FRAS1: variants seen among roughly 807,000 people sequenced by gnomAD.
FRAS1 encodes Fraser extracellular matrix complex subunit 1, also known as extracellular matrix organizing protein FRAS1.
FRAS1 carries 290 observed loss-of-function variants against 435.2 expected under a neutral mutation model. That is an observed-to-expected ratio of 0.67 (90% CI 0.61 to 0.73). The LOEUF (loss-of-function observed/expected upper bound fraction) is 0.73, where lower values mean the gene tolerates loss of function less well. Among genes scored for constraint, FRAS1 ranks in the 30% least tolerant of loss-of-function variants. The pLI is 0.00. For missense variants in FRAS1, 4,860 were observed against 5,001.5 expected (o/e 0.97, Z 0.85); for synonymous variants, 1,800 against 1,851.0 (o/e 0.97, Z 0.71).
At chr4:78,463,075 T>A (rs978581603) in intron 47 of FRAS1, among the ~76,000 whole-genome samples, 4 of 152,150 alleles carry the variant, frequency 2.6e-5, no homozygotes, top group Non-Finnish European at 2.9e-5. Context: ...AAACCCAGAA[T>A]CAGAAAGAGA....
At chr4:78,080,950 T>C (rs1227572104) in intron 2 of FRAS1, among the ~76,000 whole-genome samples, 4 of 152,212 alleles carry the variant, frequency 2.6e-5, no homozygotes, top group African/African-American at 7.2e-5. Context: ...TCCTCTTTCC[T>C]GTGCTGGAGA....
At chr4:78,120,305 C>T (rs80313713) in intron 2 of FRAS1, among the ~76,000 whole-genome samples, 2,896 of 152,314 alleles carry the variant, frequency 0.019, 92 homozygotes, top group African/African-American at 0.065. Context: ...GGGCAAGAAT[C>T]ATCCTCACCT....
At chr4:78,458,179 A>C (rs190886242) in intron 47 of FRAS1, among the ~76,000 whole-genome samples, 3 of 152,206 alleles carry the variant, frequency 2.0e-5, no homozygotes. Context: ...AAACCTCTTC[A>C]GTTGTGCATG....
chr4:78,086,334 A>C (rs921391672), intron 2 of FRAS1, among the ~76,000 whole-genome samples: 19 of 152,248 alleles, frequency 1.2e-4, no homozygotes, highest in African/African-American at 4.6e-4. Context: ...GAAAGATCCA[A>C]AATTGACACT....
chr4:78,151,486 C>T (rs534072051), intron 2 of FRAS1, among the ~76,000 whole-genome samples: 11 of 152,152 alleles, frequency 7.2e-5, no homozygotes, highest in Non-Finnish European at 1.5e-4. Context: ...ACTTGCCCCA[C>T]TATCCACAAA....
At chr4:78,208,000 C>T (rs1723334679) in intron 2 of FRAS1, among the ~76,000 whole-genome samples, 1 of 152,112 alleles carries the variant, frequency 6.6e-6, no homozygotes, top group South Asian at 2.1e-4. Flanking sequence ...ACCAGAAAAG[C>T]CGAGGGAACC....
chr4:78,541,176 G>A lies in FRAS1; in HGVS notation c.*52G>A, dbSNP rs1722040277. On this transcript the variant is annotated 3_prime_UTR_variant, in exon 74 of 74. Transcript: ENST00000512123. ...CTAAAATCATTTTTATAAAATGGGGGGAAATACTGGTATTTTTATAATCTC... is the reference window on the plus strand; with the variant it reads ...CTAAAATCATTTTTATAAAATGGGGAGAAATACTGGTATTTTTATAATCTC... 5.8e-6 allele frequency: 6 copies of A among 1,027,664 alleles called. No homozygotes were observed. In the South Asian group the frequency reaches 1.9e-4, roughly 33 times the overall value. 63.7% of individuals were successfully genotyped at this position (1,027,664 alleles called of 1,614,324 possible). A position where few individuals can be genotyped will look rare whatever the true frequency, so the allele number is the denominator to read the frequency against.
intron 6 of FRAS1, among the ~76,000 whole-genome samples, chr4:78,263,349 A>T (rs888098265): frequency 2.0e-5 from 3 of 152,206 alleles, no homozygotes; most frequent in Non-Finnish European, 4.4e-5. Context: ...TGATCAATAC[A>T]ATGTATAATT....
chr4:78,119,324 TC>T (rs1313261821), intron 2 of FRAS1, among the ~76,000 whole-genome samples: 1 of 152,180 alleles, frequency 6.6e-6, no homozygotes, highest in Non-Finnish European at 1.5e-5. Flanking sequence ...AACAAATCTC[TC>T]CCTATCCCTT....
chr4:78,380,066 C>A, intron 27 of FRAS1, 70 bp downstream of exon 27: 1 of 1,523,152 alleles, frequency 6.6e-7, no homozygotes, highest in Non-Finnish European at 8.9e-7. Context: ...TCCACCCTGT[C>A]CCAGCCTCTC....
intron 7 of FRAS1, 145 bp downstream of exon 7, chr4:78,265,253 C>T: frequency 1.8e-6 from 1 of 541,596 alleles, no homozygotes; most frequent in South Asian, 3.2e-5. Context: ...CTTTTCTCTT[C>T]TCTTCACAGA....
intron 3 of FRAS1, among the ~76,000 whole-genome samples, chr4:78,241,506 T>A (rs989665558): frequency 6.6e-6 from 1 of 152,144 alleles, no homozygotes; most frequent in Non-Finnish European, 1.5e-5. Flanking sequence ...AGACATATAA[T>A]CACCTTAGGA....
intron 6 of FRAS1, among the ~76,000 whole-genome samples, chr4:78,263,696 A>G (rs1726221491): frequency 6.6e-6 from 1 of 152,276 alleles, no homozygotes; most frequent in African/African-American, 2.4e-5. Context: ...AAATGATTTC[A>G]GTGCAAGTTC....
intron 42 of FRAS1, 187 bp from the exon 43 acceptor site, chr4:78,446,540 G>A: frequency 2.2e-6 from 3 of 1,366,114 alleles, no homozygotes; most frequent in Admixed American, 3.7e-5. Flanking sequence ...TTTTGAAGGG[G>A]GCATTTTGTT....
At chr4:78,221,248 T>C (rs961494248) in intron 2 of FRAS1, among the ~76,000 whole-genome samples, 2 of 152,216 alleles carry the variant, frequency 1.3e-5, no homozygotes, top group Non-Finnish European at 2.9e-5. Context: ...AGGCTAAATA[T>C]ATCAAATTTC....
At chr4:78,454,505 T>C (rs1417607544) in intron 47 of FRAS1, among the ~76,000 whole-genome samples, 1 of 152,198 alleles carries the variant, frequency 6.6e-6, no homozygotes, top group Non-Finnish European at 1.5e-5. Context: ...TTTTTGTCCG[T>C]AAGTTCCTGG....
At position 78,508,952 on chromosome 4, in the gene FRAS1, G is replaced by T; in HGVS notation, c.9726G>T (p.Arg3242=). Residue 3242 remains arginine, a synonymous_variant, in exon 63 of 74, where the codon CGG becomes CGT. Coordinates refer to ENST00000512123, the MANE Select transcript of FRAS1 (RefSeq NM_025074.7). The part of the protein sequence containing the change: ...VAAPTDGNGA[R]SPFETITDNT... ...CCCCCACTGATGGCAATGGGGCCCG[G>T]TCTCCCTTTGAAACCATCACTGACA... The T allele has an allele frequency of 6.2e-7, 1 of 1,613,982 alleles. No individual in the cohort carries two copies. Among genetic ancestry groups the T allele is most frequent in the South Asian group, 1.1e-5 (1 of 91,076 alleles).
chr4:78,507,414 G>A lies in FRAS1; in HGVS notation c.9317-7G>A. 6.2e-7 allele frequency: 1 copy of A among 1,605,980 alleles called. No homozygotes were observed. The highest frequency in any genetic ancestry group is 8.5e-7 in the Non-Finnish European group (1 of 1,177,096). On this transcript the variant is annotated splice_region_variant and splice_polypyrimidine_tract_variant and intron_variant, in intron 61 of 73. Coordinates refer to ENST00000512123, the MANE Select transcript of FRAS1 (RefSeq NM_025074.7). ...TTTGCTCTCTTTTTGTTCTGTCCTT[G>A]GCGAAGGTGTGGATCATATCTTTTT...
intron 33 of FRAS1, among the ~76,000 whole-genome samples, chr4:78,421,071 C>T (rs1045709344): frequency 1.3e-5 from 2 of 151,688 alleles, no homozygotes; most frequent in African/African-American, 2.4e-5. Context: ...AAGCATCCAG[C>T]ACAGGAGAAA....
Sources: allele counts gnomAD v4.1 joint callset (sites outside exome capture counted in the v4.1 genomes callset), GRCh38; gene constraint gnomAD v4.1.1; transcripts MANE v1.5; gene names NCBI Gene and HGNC (gene_info 2026-07-23, HGNC 2026-07-21).